ST6GALNAC6: variants seen among roughly 807,000 people sequenced by gnomAD.
The protein encoded by ST6GALNAC6 is alpha-N-acetylgalactosaminide alpha-2,6-sialyltransferase 6.
ST6GALNAC6 carries 19 observed loss-of-function variants against 34.3 expected under a neutral mutation model. That is an observed-to-expected ratio of 0.55 (90% CI 0.39 to 0.81). The LOEUF (loss-of-function observed/expected upper bound fraction) is 0.81, where lower values mean the gene tolerates loss of function less well. Among genes scored for constraint, ST6GALNAC6 ranks in the 40% least tolerant of loss-of-function variants. The probability of loss-of-function intolerance (pLI) is 0.00; values close to 1 mark genes in which losing one functional copy is unlikely to be tolerated. For synonymous variants in ST6GALNAC6, 185 were observed against 182.1 expected, an observed-to-expected ratio of 1.02 and a Z score of -0.13; for missense variants, 377 against 467.7, an observed-to-expected ratio of 0.81 and a Z score of 1.79.
intron 2 of ST6GALNAC6, 163 bp downstream of exon 2, chr9:127,897,793 C>A (rs1192730367): frequency 4.7e-6 from 7 of 1,489,494 alleles, no homozygotes; most frequent in Non-Finnish European, 6.3e-6. Context: ...CCCTTTCCTG[C>A]GGATGCCCCC....
chr9:127,890,561 G>A lies in ST6GALNAC6; in HGVS notation c.704+76C>T. The A allele has an allele frequency of 6.3e-7, 1 of 1,593,102 alleles. No homozygotes were observed. Reference sequence around the variant, plus strand: ...CCCCTCAGAGCAGTGCATGCTGGGAGCAACAGGCCCTCTGGATGGGGCATG... The same window carrying A: ...CCCCTCAGAGCAGTGCATGCTGGGAACAACAGGCCCTCTGGATGGGGCATG... On this transcript the variant is annotated intron_variant, in intron 5 of 6. Coordinates refer to ENST00000373146, the MANE Select transcript of ST6GALNAC6 (RefSeq NM_013443.5). This position sits in a 1 kb window ranked among gnomAD's most constrained non-coding sequence, Gnocchi z 4.3.
upstream of ST6GALNAC6, chr9:127,899,647 C>T: frequency 1.0e-6 from 1 of 983,670 alleles, no homozygotes; most frequent in Non-Finnish European, 1.2e-6. Context: ...CCGTCACGGC[C>T]CGGCCCAGGC....
intron 3 of ST6GALNAC6, 98 bp from the exon 4 acceptor site, chr9:127,894,789 G>A: frequency 2.1e-6 from 3 of 1,407,076 alleles, no homozygotes; most frequent in South Asian, 2.6e-5. Context: ...CCTGCTTTTT[G>A]TTGCAGACCA....
upstream of ST6GALNAC6, chr9:127,902,881 A>AC (rs1830807338): frequency 6.6e-6 from 1 of 150,900 alleles, no homozygotes; most frequent in Non-Finnish European, 1.5e-5. Context: ...GAGTCACCGC[A>AC]CCCAGCCCAC....
chr9:127,900,980 A>G (rs911823552), upstream of ST6GALNAC6, among the ~76,000 whole-genome samples: 61 of 100,286 alleles, frequency 6.1e-4, no homozygotes, highest in Non-Finnish European at 9.9e-4. Context: ...AACAAGGGCT[A>G]AACTCCCTAT....
chr9:127,905,713 T>C (rs931701383), upstream of ST6GALNAC6, among the ~76,000 whole-genome samples: 7 of 152,222 alleles, frequency 4.6e-5, no homozygotes, highest in Non-Finnish European at 7.3e-5. Flanking sequence ...GTGCCTGCTA[T>C]GTCCTAAGCC....
chr9:127,889,958 A>G (rs2031697), intron 5 of ST6GALNAC6, among the ~76,000 whole-genome samples: 150,175 of 152,258 alleles, frequency 0.99, 74,095 homozygotes, highest in Non-Finnish European at 1. Context: ...GTAAGATGTA[A>G]TCTCATTCTG....
intron 4 of ST6GALNAC6, among the ~76,000 whole-genome samples, chr9:127,891,570 C>T (rs888376418): frequency 1.1e-4 from 16 of 150,436 alleles, no homozygotes; most frequent in African/African-American, 3.7e-4. Context: ...GAACCTAGAT[C>T]GTGCCACTGC....
chr9:127,894,440 T>G, intron 4 of ST6GALNAC6, 72 bp downstream of exon 4: 1 of 1,546,984 alleles, frequency 6.5e-7, no homozygotes, highest in Non-Finnish European at 8.8e-7. Flanking sequence ...CACCTTTCCT[T>G]TAGGAAAGAA....
upstream of ST6GALNAC6, among the ~76,000 whole-genome samples, chr9:127,901,234 A>C (rs1830747423): frequency 6.6e-6 from 1 of 152,308 alleles, no homozygotes; most frequent in South Asian, 2.1e-4. Flanking sequence ...ATGATCTACA[A>C]TTACATGGAT....
Position 127,890,178 on chromosome 9 carries a change from C to T in ST6GALNAC6, c.704+459G>A, listed in dbSNP as rs1249668490. ...TAGATTTCTATTGGGCAGCACTGGC[C>T]TAGCTTTCCTAGGGAGATTAGTCAC... is the stretch of plus-strand genomic sequence containing the variant. On this transcript the variant is annotated intron_variant, in intron 5 of 6. Transcript: ENST00000373146. The surrounding 1 kb of genome is among the most constrained non-coding windows in gnomAD (Gnocchi z 4.3). Among the ~76,000 whole-genome samples, 1 of 152,196 alleles carries T rather than the reference C, an allele frequency of 6.6e-6. No homozygotes were observed. The highest frequency in any genetic ancestry group is 6.5e-5 in the Admixed American group (1 of 15,288).
chr9:127,899,606 C>G (rs1226159183), upstream of ST6GALNAC6: 39 of 982,008 alleles, frequency 4.0e-5, no homozygotes, highest in Non-Finnish European at 4.6e-5. Context: ...CAGGCCTCGC[C>G]GCACCCGCGG....
chr9:127,894,825 G>C (rs534389138), intron 3 of ST6GALNAC6, 134 bp from the exon 4 acceptor site: 2 of 937,332 alleles, frequency 2.1e-6, no homozygotes, highest in Middle Eastern at 3.3e-4. Context: ...CCTCCAGGAA[G>C]GCCTCCTTCA....
Position 127,886,400 on chromosome 9 carries a change from C to T in ST6GALNAC6, c.*199G>A, listed in dbSNP as rs1357256024. 38 of 1,429,148 alleles carry T rather than the reference C, an allele frequency of 2.7e-5. No homozygotes were observed. Among genetic ancestry groups the T allele is most frequent in the Non-Finnish European group, 3.4e-5 (37 of 1,091,994 alleles). 88.5% of individuals were successfully genotyped at this position (1,429,148 alleles called of 1,614,324 possible). A position where few individuals can be genotyped will look rare whatever the true frequency, so the allele number is the denominator to read the frequency against. On this transcript the variant is annotated 3_prime_UTR_variant, in exon 7 of 7. Transcript: ENST00000373146. ...CACAAGAAAGACACCCCTGATTAAC[C>T]GCATAGACTCCCAAATCCCTGATTC... is the stretch of plus-strand genomic sequence containing the variant.
chr9:127,897,280 G>A (rs1830521683), intron 2 of ST6GALNAC6: 3 of 985,954 alleles, frequency 3.0e-6, no homozygotes, highest in Non-Finnish European at 3.6e-6. Flanking sequence ...GGAGTGCAGA[G>A]GGAAGAAACT....
upstream of ST6GALNAC6, chr9:127,899,662 G>A (rs1227804968): frequency 3.0e-6 from 3 of 984,048 alleles, no homozygotes; most frequent in Non-Finnish European, 3.6e-6. Context: ...CCAGGCCTGG[G>A]AGGTGGGCGG....
At chr9:127,900,584 A>AAAAAAG (rs1564495080), upstream of ST6GALNAC6, among the ~76,000 whole-genome samples, 90 of 150,234 alleles carry the variant, frequency 6.0e-4, no homozygotes, top group African/African-American at 2.1e-3. Flanking sequence ...AAAAAAAAAA[A>AAAAAAG]AAGAAGGATG....
At chr9:127,891,337 T>A (rs949656471) in intron 4 of ST6GALNAC6, among the ~76,000 whole-genome samples, 8 of 152,112 alleles carry the variant, frequency 5.3e-5, no homozygotes, top group African/African-American at 1.9e-4. Context: ...GGCAAATGGC[T>A]AAGCATTGTA....
chr9:127,896,194 G>C (rs1830442929), intron 3 of ST6GALNAC6, 48 bp downstream of exon 3: 1 of 1,598,578 alleles, frequency 6.3e-7, no homozygotes, highest in African/African-American at 1.3e-5. Flanking sequence ...CCGTTCCATG[G>C]AGGGAAGTGA....
Sources: allele counts gnomAD v4.1 joint callset (sites outside exome capture counted in the v4.1 genomes callset), GRCh38; gene constraint gnomAD v4.1.1; non-coding constraint Gnocchi (gnomAD v3.1); transcripts MANE v1.5; gene names NCBI Gene and HGNC (gene_info 2026-07-23, HGNC 2026-07-21).